Variants in KLHL2 observed in about 807,000 individuals in gnomAD.
KLHL2 encodes kelch like family member 2, also known as kelch-like protein 2.
A neutral mutation model predicts 75.8 loss-of-function variants in KLHL2; 15 were observed. The observed-to-expected ratio is 0.20, with a 90% confidence interval of 0.13 to 0.30. The LOEUF (loss-of-function observed/expected upper bound fraction) is 0.30. Among genes scored for constraint, KLHL2 ranks in the 10% least tolerant of loss-of-function variants. The probability of loss-of-function intolerance (pLI) is 1.00; values close to 1 mark genes in which losing one functional copy is unlikely to be tolerated. For synonymous variants in KLHL2, 214 were observed against 251.9 expected (o/e 0.85, Z 1.42); for missense variants, 381 against 741.0 (o/e 0.51, Z 5.64).
intron 5 of KLHL2, among the ~76,000 whole-genome samples, chr4:165,267,787 T>C (rs1011961545): frequency 6.6e-6 from 1 of 152,194 alleles, no homozygotes; most frequent in African/African-American, 2.4e-5. Flanking sequence ...TTTTGTTGTT[T>C]CTCTGCCAGC....
Position 165,322,137 on chromosome 4 carries a change from A to G in KLHL2, c.*77A>G. The G allele has an allele frequency of 7.7e-7, 1 of 1,299,938 alleles. No homozygotes were observed. The highest frequency in any genetic ancestry group is 1.1e-6 in the Non-Finnish European group (1 of 894,710). 80.5% of individuals were successfully genotyped at this position (1,299,938 alleles called of 1,614,324 possible). A position where few individuals can be genotyped will look rare whatever the true frequency, so the allele number is the denominator to read the frequency against. On this transcript the variant is annotated 3_prime_UTR_variant, in exon 15 of 15. Coordinates refer to ENST00000226725, the MANE Select transcript of KLHL2 (RefSeq NM_007246.4). ...GTATTTGTGAAGTGACTGAGAATCT[A>G]GCACTTCTCCACTTGTAGCTGCACT...
rs143358070 is a variant in KLHL2, at chr4:165,238,822, G to A, written c.304G>A (p.Val102Ile). Residue 102 changes from valine (V) to isoleucine (I), a missense_variant, in exon 4 of 15, where the codon GTA becomes ATA. Transcript: ENST00000226725. ...AGCAAAGAGAGTTAGAATAAAAGAG[G>A]TAGATGGCTGGACCCTGAGGATGCT... ...SRAKRVRIKE[V>I]DGWTLRMLID... 11 of 1,613,934 alleles carry A rather than the reference G, an allele frequency of 6.8e-6. No homozygotes were observed. The highest frequency in any genetic ancestry group is 1.7e-5 in the Admixed American group (1 of 59,974).
At chr4:165,288,050 G>T (rs1226250863) in intron 5 of KLHL2, among the ~76,000 whole-genome samples, 1 of 152,038 alleles carries the variant, frequency 6.6e-6, no homozygotes, top group Admixed American at 6.5e-5. Flanking sequence ...TGAGCTTTTG[G>T]TGTCATTTCC....
intron 3 of KLHL2, among the ~76,000 whole-genome samples, chr4:165,229,749 T>C (rs1476531418): frequency 6.6e-6 from 1 of 152,210 alleles, no homozygotes; most frequent in African/African-American, 2.4e-5. Flanking sequence ...AAGATCTGAG[T>C]GCTCACAGCA....
chr4:165,313,144 G>A, intron 11 of KLHL2, 94 bp from the exon 12 acceptor site: 2 of 1,312,386 alleles, frequency 1.5e-6, no homozygotes, highest in Non-Finnish European at 2.1e-6. Flanking sequence ...TGCCATGAAG[G>A]AAAATATATT....
chr4:165,216,900 G>A (rs1048060149), intron 1 of KLHL2, among the ~76,000 whole-genome samples: 1 of 152,156 alleles, frequency 6.6e-6, no homozygotes, highest in African/African-American at 2.4e-5. Context: ...CAGGGTTTCT[G>A]TAGTACATCA....
At chr4:165,242,405 T>C (rs1383479126) in intron 4 of KLHL2, among the ~76,000 whole-genome samples, 1 of 152,258 alleles carries the variant, frequency 6.6e-6, no homozygotes, top group African/African-American at 2.4e-5. Flanking sequence ...AAGTTTTGCA[T>C]ACATTTTCAA....
At chr4:165,242,358 C>T (rs1739881333) in intron 4 of KLHL2, among the ~76,000 whole-genome samples, 1 of 152,130 alleles carries the variant, frequency 6.6e-6, no homozygotes, top group African/African-American at 2.4e-5. Flanking sequence ...ACTGTCAACC[C>T]TTTTCTAAGG....
At chr4:165,310,916 G>A (rs1579181183) in intron 10 of KLHL2, among the ~76,000 whole-genome samples, 166 bp downstream of exon 10, 2 of 149,176 alleles carry the variant, frequency 1.3e-5, no homozygotes, top group Non-Finnish European at 3.0e-5. Flanking sequence ...GTACAGTGGC[G>A]CAATCTCGGC....
At chr4:165,227,770 A>G (rs565241782) in intron 2 of KLHL2, among the ~76,000 whole-genome samples, 3 of 152,348 alleles carry the variant, frequency 2.0e-5, no homozygotes, top group Non-Finnish European at 4.4e-5. Context: ...CCTGGAGAGT[A>G]TGATCTGGCA....
chr4:165,279,452 TAGAC>T (rs1473390004), intron 5 of KLHL2: 3 of 1,600,062 alleles, frequency 1.9e-6, no homozygotes, highest in Non-Finnish European at 2.6e-6. Context: ...TATACACTCA[TAGAC>T]AGAATGTAGA....
intron 5 of KLHL2, 68 bp from the exon 6 acceptor site, chr4:165,294,291 T>G (rs1290979816): frequency 1.1e-6 from 1 of 892,166 alleles, no homozygotes; most frequent in Non-Finnish European, 1.8e-6. Context: ...AAAACCTTTT[T>G]TAAGCAGTTT....
rs1741843566 is a variant in KLHL2 at position 165,263,236 on chromosome 4, G to A, written c.421G>A (p.Val141Met). The A allele has an allele frequency of 1.2e-6, 2 of 1,613,954 alleles. No individual in the cohort carries two copies. Among genetic ancestry groups the A allele is most frequent in the African/African-American group, 2.7e-5 (2 of 74,924 alleles). ...PAAGLLQLQD[V>M]KKTCCEFLES... ...AGCTGGTCTCTTACAGTTACAGGATGTGAAGAAGACTTGTTGTGAATTTTT... is the reference window on the plus strand; with the variant it reads ...AGCTGGTCTCTTACAGTTACAGGATATGAAGAAGACTTGTTGTGAATTTTT... Residue 141 changes from valine (V) to methionine (M), a missense_variant, in exon 5 of 15, where the codon GTG becomes ATG. By Grantham distance (21) the Val-to-Met change is conservative. Coordinates refer to ENST00000226725, the MANE Select transcript of KLHL2 (RefSeq NM_007246.4).
intron 4 of KLHL2, among the ~76,000 whole-genome samples, chr4:165,250,361 ATGT>A (rs951099689): frequency 3.9e-5 from 6 of 152,236 alleles, no homozygotes; most frequent in African/African-American, 9.6e-5. Context: ...GTTTTTTAAA[ATGT>A]TGTTAACAAC....
chr4:165,231,676 GT>G (rs2111054208), intron 3 of KLHL2, among the ~76,000 whole-genome samples: 1 of 152,198 alleles, frequency 6.6e-6, no homozygotes, highest in South Asian at 2.1e-4. Context: ...ATGTTTTTGT[GT>G]TGTTTCGATT....
chr4:165,306,864 A>G (rs1057403116), intron 9 of KLHL2, among the ~76,000 whole-genome samples: 2 of 152,210 alleles, frequency 1.3e-5, no homozygotes, highest in East Asian at 1.9e-4. Flanking sequence ...TATTTTTGCC[A>G]TGTAAAAACT....
At chr4:165,290,249 C>T (rs1033931749) in intron 5 of KLHL2, among the ~76,000 whole-genome samples, 8 of 151,914 alleles carry the variant, frequency 5.3e-5, no homozygotes, top group African/African-American at 1.9e-4. Flanking sequence ...CACAGGTGAT[C>T]TTCCTACCTT....
At chr4:165,312,779 C>A (rs1746304004) in intron 11 of KLHL2, among the ~76,000 whole-genome samples, 1 of 152,232 alleles carries the variant, frequency 6.6e-6, no homozygotes. Flanking sequence ...GTGATGTTTT[C>A]AAGATTTGTT....
intron 2 of KLHL2, among the ~76,000 whole-genome samples, chr4:165,220,962 C>A (rs1228810896): frequency 1.3e-5 from 2 of 151,980 alleles, no homozygotes; most frequent in African/African-American, 4.8e-5. Flanking sequence ...TGCTTTTTCC[C>A]AGCATTCCGT....
Sources: gnomAD v4.1 joint callset for allele counts (sites outside exome capture counted in the v4.1 genomes callset) on GRCh38, gnomAD v4.1.1 for gene constraint, MANE v1.5 for transcripts, NCBI Gene and HGNC (gene_info 2026-07-23, HGNC 2026-07-21) for gene names.